Variants in FHIT observed in about 807,000 individuals in gnomAD.
FHIT encodes the protein bis(5'-adenosyl)-triphosphatase.
A neutral mutation model predicts 17.9 loss-of-function variants in FHIT; 19 were observed. The observed-to-expected ratio is 1.06, with a 90% CI of 0.74 to 1.56. FHIT has a LOEUF of 1.56. FHIT is among the 40% of genes most tolerant of loss of function. The pLI is 0.00. For missense variants in FHIT, 248 were observed against 189.2 expected (o/e 1.31, Z -1.82); for synonymous variants, 81 against 69.7 (o/e 1.16, Z -0.81).
At chr3:61,177,655 C>T (rs1425301802) in intron 2 of FHIT, among the ~76,000 whole-genome samples, 1 of 152,098 alleles carries the variant, frequency 6.6e-6, no homozygotes, top group East Asian at 1.9e-4. Flanking sequence ...TACTGCTCTC[C>T]ACAATAGCAG....
chr3:60,314,813 G>T (rs919961788), intron 5 of FHIT, among the ~76,000 whole-genome samples: 1 of 152,052 alleles, frequency 6.6e-6, no homozygotes, highest in Non-Finnish European at 1.5e-5. Context: ...GGCTGGGTGC[G>T]GTGGCTCATG....
At chr3:60,635,693 C>T (rs1434983643) in intron 4 of FHIT, among the ~76,000 whole-genome samples, 1 of 152,130 alleles carries the variant, frequency 6.6e-6, no homozygotes, top group Non-Finnish European at 1.5e-5. Flanking sequence ...AGCCACTTGC[C>T]TAAGACTGCA....
chr3:60,132,986 C>G (rs1699658062), intron 5 of FHIT, among the ~76,000 whole-genome samples: 1 of 152,040 alleles, frequency 6.6e-6, no homozygotes, highest in African/African-American at 2.4e-5. Flanking sequence ...CGTTAATATA[C>G]AAACATCTAC....
chr3:60,173,915 A>ATATATTTTTT, intron 5 of FHIT, among the ~76,000 whole-genome samples: 4 of 66,444 alleles, frequency 6.0e-5, no homozygotes, highest in Non-Finnish European at 1.1e-4. Flanking sequence ...ATATATATAT[A>ATATATTTTTT]TGTTTTTTTT....
At chr3:60,663,717 C>A (rs549473911) in intron 4 of FHIT, among the ~76,000 whole-genome samples, 1 of 152,098 alleles carries the variant, frequency 6.6e-6, no homozygotes, top group African/African-American at 2.4e-5. Context: ...CTGCACCCGG[C>A]CTCTGTACCT....
chr3:59,845,279 G>A (rs546939091), intron 8 of FHIT, among the ~76,000 whole-genome samples: 2 of 151,166 alleles, frequency 1.3e-5, no homozygotes, highest in African/African-American at 2.4e-5. Flanking sequence ...TTATTTTTCT[G>A]TTCTCCATCT....
At chr3:60,208,723 A>G (rs1025844248) in intron 5 of FHIT, among the ~76,000 whole-genome samples, 3 of 152,206 alleles carry the variant, frequency 2.0e-5, no homozygotes, top group African/African-American at 7.2e-5. Flanking sequence ...CTATAAAAGT[A>G]TAGCTCTGAG....
intron 3 of FHIT, among the ~76,000 whole-genome samples, chr3:60,834,275 C>G (rs1553743305): frequency 2.6e-5 from 4 of 152,176 alleles, no homozygotes. Context: ...TTGTTGTTAT[C>G]ATTATCTTTT....
chr3:61,075,032 T>G (rs1229361284), intron 2 of FHIT, among the ~76,000 whole-genome samples: 1 of 152,208 alleles, frequency 6.6e-6, no homozygotes, highest in Non-Finnish European at 1.5e-5. Context: ...AGCACTGCAC[T>G]TGTAAGAAAA....
intron 5 of FHIT, among the ~76,000 whole-genome samples, chr3:60,426,709 T>C (rs1388222901): frequency 6.6e-6 from 1 of 152,148 alleles, no homozygotes; most frequent in Non-Finnish European, 1.5e-5. Flanking sequence ...AATTTTCTAC[T>C]TCCTAGGCTC....
Position 60,746,095 on chromosome 3 carries a change from T to C in FHIT, c.-18+75824A>G, listed in dbSNP as rs184732139. Among the ~76,000 whole-genome samples, 219 of 152,308 alleles carry C rather than the reference T, an allele frequency of 1.4e-3. 2 individuals are homozygous for C. The highest frequency in any genetic ancestry group is 2.9e-4 in the Non-Finnish European group (20 of 68,020). On this transcript the variant is annotated intron_variant, in intron 4 of 9. Coordinates refer to ENST00000492590, the MANE Select transcript of FHIT (RefSeq NM_002012.4). ...CACTGCACCTGATTTTTTAAAACAA[T>C]ATTTTGGTTAATCAAAACTCTGGGT... is the stretch of plus-strand genomic sequence containing the variant.
chr3:59,812,343 G>C (rs1700436635), intron 8 of FHIT, among the ~76,000 whole-genome samples: 1 of 152,154 alleles, frequency 6.6e-6, no homozygotes. Flanking sequence ...CCTTATACAA[G>C]TCAGAAAGAA....
intron 4 of FHIT, among the ~76,000 whole-genome samples, chr3:60,609,677 G>A (rs1301304603): frequency 6.6e-6 from 1 of 152,052 alleles, no homozygotes; most frequent in Non-Finnish European, 1.5e-5. Flanking sequence ...TATTCACTAG[G>A]CTTAGGCAAG....
At chr3:60,038,360 A>G (rs944534275) in intron 5 of FHIT, among the ~76,000 whole-genome samples, 2 of 152,214 alleles carry the variant, frequency 1.3e-5, no homozygotes, top group Admixed American at 6.5e-5. Flanking sequence ...CAAGCCTATT[A>G]TATTAGGAAT....
chr3:61,203,792 C>T (rs528678472), intron 1 of FHIT, among the ~76,000 whole-genome samples: 1 of 152,188 alleles, frequency 6.6e-6, no homozygotes, highest in East Asian at 1.9e-4. Flanking sequence ...TAAAGATATG[C>T]ACTAAAACTA....
chr3:61,251,114 G>C (rs542874805), intron 1 of FHIT, among the ~76,000 whole-genome samples, 187 bp downstream of exon 1: 1 of 152,274 alleles, frequency 6.6e-6, no homozygotes, highest in African/African-American at 2.4e-5. Context: ...CGGTGCTTGG[G>C]AATTGGGGGG....
intron 5 of FHIT, among the ~76,000 whole-genome samples, chr3:60,031,306 G>T (rs961191699): frequency 6.6e-6 from 1 of 152,216 alleles, no homozygotes; most frequent in Non-Finnish European, 1.5e-5. Context: ...ATTCACAAAA[G>T]AGATCAGTAT....
At chr3:61,236,717 T>A (rs1372707869) in intron 1 of FHIT, among the ~76,000 whole-genome samples, 1 of 152,236 alleles carries the variant, frequency 6.6e-6, no homozygotes, top group Non-Finnish European at 1.5e-5. Flanking sequence ...CCATCTCATG[T>A]TGAGTCAGCT....
rs186231903 is a variant in FHIT, at chr3:61,077,240, G to A, written c.-163-35141C>T. Among the ~76,000 whole-genome samples the A allele has an allele frequency of 2.6e-4, 40 of 152,146 alleles. No individual in the cohort carries two copies. In the East Asian group the frequency reaches 7.4e-3, roughly 28 times the overall value. On this transcript the variant is annotated intron_variant, in intron 2 of 9. Transcript: ENST00000492590. The stretch of plus-strand genomic sequence containing the variant: ...CCCCCAAGTGCAGTGTCATTGAATT[G>A]GACTTGGAAGAATGTATGAAGTATA...
Sources: allele counts gnomAD v4.1 joint callset (sites outside exome capture counted in the v4.1 genomes callset), GRCh38; gene constraint gnomAD v4.1.1; transcripts MANE v1.5; gene names NCBI Gene and HGNC (gene_info 2026-07-23, HGNC 2026-07-21).